HLCS: variants seen among roughly 807,000 people sequenced by gnomAD.
The protein encoded by HLCS is holocarboxylase synthetase, also known as biotin--protein ligase.
In HLCS, 53 loss-of-function variants were observed where a neutral mutation model predicts 75.0. The ratio of observed to expected loss-of-function variants is 0.71; its 90% CI spans 0.57 to 0.89. The LOEUF (loss-of-function observed/expected upper bound fraction) is 0.89. Among genes scored for constraint, HLCS ranks in the 40% least tolerant of loss-of-function variants. HLCS has a pLI of 0.00. For synonymous variants in HLCS, 431 were observed against 428.6 expected, an observed-to-expected ratio of 1.01 and a Z score of -0.07; for missense variants, 966 against 1,074.0, an observed-to-expected ratio of 0.90 and a Z score of 1.41.
intron 6 of HLCS, among the ~76,000 whole-genome samples, chr21:36,827,410 A>T (rs2062041888): frequency 1.3e-5 from 2 of 151,890 alleles, no homozygotes; most frequent in South Asian, 4.2e-4. Context: ...CTCTACTAAA[A>T]ATACAAAAAA....
chr21:36,932,306 C>T (rs777106742), intron 4 of HLCS, among the ~76,000 whole-genome samples: 2 of 152,102 alleles, frequency 1.3e-5, no homozygotes, highest in Non-Finnish European at 2.9e-5. Context: ...TATCAATTAG[C>T]CTATGGTAAC....
At chr21:36,907,011 G>T (rs1430929322) in intron 5 of HLCS, among the ~76,000 whole-genome samples, 1 of 152,138 alleles carries the variant, frequency 6.6e-6, no homozygotes, top group Non-Finnish European at 1.5e-5. Context: ...CTGAGCTCAA[G>T]CCAACCTCCC....
At chr21:36,759,401 C>A (rs1207840512) in intron 9 of HLCS, among the ~76,000 whole-genome samples, 1 of 152,188 alleles carries the variant, frequency 6.6e-6, no homozygotes, top group African/African-American at 2.4e-5. Context: ...ATTAACTTTT[C>A]TTTTTCTTAT....
chr21:36,829,267 C>G (rs1432483091), intron 6 of HLCS, among the ~76,000 whole-genome samples: 1 of 152,196 alleles, frequency 6.6e-6, no homozygotes, highest in Non-Finnish European at 1.5e-5. Context: ...CACAACCACA[C>G]TCAGCTTTTC....
At chr21:36,944,615 ATTG>A (rs1337777744) in intron 2 of HLCS, among the ~76,000 whole-genome samples, 5 of 151,698 alleles carry the variant, frequency 3.3e-5, no homozygotes, top group Non-Finnish European at 7.4e-5. Context: ...TGGTTTTTTA[ATTG>A]TTGTTGTTGT....
intron 6 of HLCS, among the ~76,000 whole-genome samples, chr21:36,874,858 T>C (rs966460266): frequency 3.3e-5 from 5 of 151,814 alleles, no homozygotes; most frequent in African/African-American, 1.2e-4. Context: ...CAGGCATCCC[T>C]GCACTCTCGG....
chr21:36,883,312 G>A (rs1265704814), intron 6 of HLCS, among the ~76,000 whole-genome samples: 1 of 152,156 alleles, frequency 6.6e-6, no homozygotes, highest in Non-Finnish European at 1.5e-5. Flanking sequence ...GCTAAGTCAG[G>A]GGAGAAAAAG....
chr21:36,860,184 C>G (rs1323950117), intron 6 of HLCS, among the ~76,000 whole-genome samples: 1 of 152,190 alleles, frequency 6.6e-6, no homozygotes, highest in Non-Finnish European at 1.5e-5. Context: ...CAACCTTATT[C>G]TGAGTAGGCA....
At chr21:36,801,182 C>T (rs1488590361) in intron 6 of HLCS, among the ~76,000 whole-genome samples, 2 of 152,140 alleles carry the variant, frequency 1.3e-5, no homozygotes, top group Non-Finnish European at 2.9e-5. Context: ...ACTGGTAAGC[C>T]GTCAATGCCC....
intron 6 of HLCS, among the ~76,000 whole-genome samples, chr21:36,780,751 C>T (rs1601215916): frequency 1.3e-5 from 2 of 152,108 alleles, no homozygotes; most frequent in African/African-American, 4.8e-5. Flanking sequence ...TCTGCCAGAA[C>T]CCCCACTACT....
At chr21:36,873,761 A>G (rs1569130002) in intron 6 of HLCS, among the ~76,000 whole-genome samples, 1 of 152,162 alleles carries the variant, frequency 6.6e-6, no homozygotes. Flanking sequence ...CACCACATCC[A>G]GCTAATTTTA....
At chr21:36,923,458 G>A (rs575656267) in intron 5 of HLCS, among the ~76,000 whole-genome samples, 29 of 152,314 alleles carry the variant, frequency 1.9e-4, no homozygotes, top group Non-Finnish European at 4.0e-4. Context: ...AGTGCTGAGC[G>A]GGAATGTTCC....
At chr21:36,810,937 G>A (rs1319003727) in intron 6 of HLCS, among the ~76,000 whole-genome samples, 1 of 152,152 alleles carries the variant, frequency 6.6e-6, no homozygotes, top group East Asian at 1.9e-4. Flanking sequence ...TGAGCAAAGA[G>A]AATAAGGATC....
chr21:36,988,078 T>C (rs940459424), intron 1 of HLCS, among the ~76,000 whole-genome samples: 5 of 152,178 alleles, frequency 3.3e-5, no homozygotes, highest in Non-Finnish European at 5.9e-5. Flanking sequence ...TAGTTTTTCT[T>C]TTTAAATACT....
chr21:36,847,812 T>C (rs2062848715), intron 6 of HLCS, among the ~76,000 whole-genome samples: 1 of 152,134 alleles, frequency 6.6e-6, no homozygotes, highest in Admixed American at 6.5e-5. Flanking sequence ...TAAGGGGAAA[T>C]TTCTCCCCTA....
chr21:36,859,090 C>G (rs929727544), intron 6 of HLCS, among the ~76,000 whole-genome samples: 2 of 152,150 alleles, frequency 1.3e-5, no homozygotes, highest in African/African-American at 4.8e-5. Flanking sequence ...TGGTGAGATC[C>G]TGGCTCACTG....
chr21:36,769,823 G>C (rs2090169371), intron 6 of HLCS, among the ~76,000 whole-genome samples: 1 of 152,192 alleles, frequency 6.6e-6, no homozygotes, highest in South Asian at 2.1e-4. Flanking sequence ...AAGCTTTAAT[G>C]ATTGGGAATA....
intron 1 of HLCS, among the ~76,000 whole-genome samples, chr21:36,982,379 T>C (rs2146742215): frequency 6.6e-6 from 1 of 152,328 alleles, no homozygotes; most frequent in South Asian, 2.1e-4. Context: ...ACACCAGGCA[T>C]ACGTCCAGCA....
In HLCS at chr21:36,916,132, CA is replaced by C. The variant is rs145637678; in HGVS notation, c.1620+14118del. 4.1e-3 allele frequency among the ~76,000 whole-genome samples: 629 copies of C among 152,084 alleles called. 5 individuals carry two copies. The highest frequency in any genetic ancestry group is 0.014 in the African/African-American group (578 of 41,462). On this transcript the variant is annotated intron_variant, in intron 5 of 10. Transcript: ENST00000674895. ...AAATAATACAACAATAGCACTTATACAAACCACCTAAAAAAAATCTTATGGA... is the reference window on the plus strand; with the variant it reads ...AAATAATACAACAATAGCACTTATACAACCACCTAAAAAAAATCTTATGGA...
Sources: gnomAD v4.1 joint callset for allele counts (sites outside exome capture counted in the v4.1 genomes callset) on GRCh38, gnomAD v4.1.1 for gene constraint, MANE v1.5 for transcripts, NCBI Gene and HGNC (gene_info 2026-07-23, HGNC 2026-07-21) for gene names.